The following CHL1 variants were observed in gnomAD, a reference collection of about 807,000 sequenced individuals.
CHL1 encodes the protein cell adhesion molecule L1 like, also known as neural cell adhesion molecule L1-like protein.
A neutral mutation model predicts 141.9 loss-of-function variants in CHL1; 96 were observed. The observed-to-expected ratio is 0.68, with a 90% CI of 0.57 to 0.80. The LOEUF is 0.80. CHL1 is among the 30% of genes least tolerant of loss of function. CHL1 has a pLI of 0.00. For synonymous variants in CHL1, 613 were observed against 502.2 expected (o/e 1.22, Z -2.95); for missense variants, 1,820 against 1,457.2 (o/e 1.25, Z -4.05).
At chr3:302,754 C>G (rs1031949891) in intron 2 of CHL1, among the ~76,000 whole-genome samples, 4 of 152,142 alleles carry the variant, frequency 2.6e-5, no homozygotes, top group African/African-American at 9.7e-5. Flanking sequence ...TTAATTAGAT[C>G]CCATTTGTCA....
chr3:307,379 G>A (rs541111602), intron 2 of CHL1, among the ~76,000 whole-genome samples: 1 of 152,132 alleles, frequency 6.6e-6, no homozygotes, highest in Non-Finnish European at 1.5e-5. Context: ...GCTTGATGGA[G>A]TCCCAGCTGT....
chr3:380,508 T>G (rs1706901763), intron 16 of CHL1, among the ~76,000 whole-genome samples: 1 of 152,244 alleles, frequency 6.6e-6, no homozygotes, highest in Non-Finnish European at 1.5e-5. Flanking sequence ...TTCTTTTTAC[T>G]GTTGCTTTAT....
At chr3:355,672 C>A (rs1021555554) in intron 11 of CHL1, among the ~76,000 whole-genome samples, 3 of 152,184 alleles carry the variant, frequency 2.0e-5, no homozygotes, top group Non-Finnish European at 4.4e-5. Context: ...GGATGTGCAC[C>A]TTGCCAGCTG....
intron 2 of CHL1, among the ~76,000 whole-genome samples, chr3:307,435 T>A (rs1699340998): frequency 6.6e-6 from 1 of 152,196 alleles, no homozygotes; most frequent in Non-Finnish European, 1.5e-5. Context: ...AAAGCTTCAC[T>A]AGAGGCAGAT....
chr3:328,712 AG>A (rs1271488471), intron 5 of CHL1, among the ~76,000 whole-genome samples: 1 of 152,176 alleles, frequency 6.6e-6, no homozygotes, highest in Non-Finnish European at 1.5e-5. Context: ...TCCCCGATAA[AG>A]CAATTTACTG....
chr3:342,538 G>T (rs1702421940), intron 7 of CHL1, among the ~76,000 whole-genome samples: 1 of 152,122 alleles, frequency 6.6e-6, no homozygotes, highest in Non-Finnish European at 1.5e-5. Flanking sequence ...AGGCCAGCCT[G>T]GGTTCCCAAA....
intron 2 of CHL1, among the ~76,000 whole-genome samples, chr3:313,666 A>G (rs1004588338): frequency 6.6e-6 from 1 of 152,220 alleles, no homozygotes; most frequent in African/African-American, 2.4e-5. Context: ...TGTTCAGTTT[A>G]TAATGGTGGA....
At chr3:345,545 G>A (rs1339482541) in intron 9 of CHL1, among the ~76,000 whole-genome samples, 9 of 151,474 alleles carry the variant, frequency 5.9e-5, no homozygotes, top group East Asian at 1.9e-4. Context: ...GTGCAGAGGC[G>A]CGATCTCAGC....
At chr3:244,141 A>C (rs1037334891) in intron 1 of CHL1, among the ~76,000 whole-genome samples, 3 of 152,200 alleles carry the variant, frequency 2.0e-5, no homozygotes, top group Non-Finnish European at 4.4e-5. Context: ...TTCACTCTGT[A>C]GTTCAGAGGT....
intron 24 of CHL1, among the ~76,000 whole-genome samples, chr3:397,418 C>T (rs1708765930): frequency 6.6e-6 from 1 of 151,982 alleles, no homozygotes; most frequent in African/African-American, 2.4e-5. Context: ...AATAGCATTT[C>T]ATAACCCCTT....
chr3:260,962 C>T (rs73092560), intron 2 of CHL1, among the ~76,000 whole-genome samples: 2,152 of 152,232 alleles, frequency 0.014, 45 homozygotes, highest in African/African-American at 0.046. Context: ...GCCATTCCGT[C>T]GGCCTTATTT....
At chr3:253,627 G>T (rs1256283375) in intron 2 of CHL1, among the ~76,000 whole-genome samples, 1 of 152,102 alleles carries the variant, frequency 6.6e-6, no homozygotes, top group East Asian at 1.9e-4. Flanking sequence ...TTGTCTTCAA[G>T]TTAACATGTA....
chr3:360,713 T>C (rs1381327278), intron 12 of CHL1, among the ~76,000 whole-genome samples: 1 of 148,102 alleles, frequency 6.8e-6, no homozygotes, highest in Non-Finnish European at 1.5e-5. Context: ...TAGCATTAGG[T>C]ATATCTCCCG....
At chr3:266,368 A>C (rs1695149720) in intron 2 of CHL1, among the ~76,000 whole-genome samples, 1 of 152,188 alleles carries the variant, frequency 6.6e-6, no homozygotes, top group Non-Finnish European at 1.5e-5. Flanking sequence ...CTACATGGGA[A>C]GGATGCATTG....
At chr3:235,412 G>T (rs531989775) in intron 1 of CHL1, among the ~76,000 whole-genome samples, 2 of 152,146 alleles carry the variant, frequency 1.3e-5, no homozygotes, top group South Asian at 4.2e-4. Flanking sequence ...GGGTTGTAAG[G>T]ATAAAATGAG....
chr3:246,248 G>A (rs749259265), intron 2 of CHL1, among the ~76,000 whole-genome samples: 1 of 152,058 alleles, frequency 6.6e-6, no homozygotes, highest in East Asian at 1.9e-4. Context: ...AATTGTGGTT[G>A]TGTCATGATG....
chr3:303,231 T>C (rs1698918458), intron 2 of CHL1, among the ~76,000 whole-genome samples: 1 of 152,196 alleles, frequency 6.6e-6, no homozygotes, highest in South Asian at 2.1e-4. Context: ...GCAGGCTCTT[T>C]TTTGGTTCCA....
intron 11 of CHL1, among the ~76,000 whole-genome samples, chr3:358,996 G>A (rs977526688): frequency 2.3e-4 from 33 of 144,674 alleles, no homozygotes; most frequent in Non-Finnish European, 3.0e-4. Context: ...TATTATATAC[G>A]GATATTATAT....
chr3:398,794 C>T (rs570851128), intron 25 of CHL1, among the ~76,000 whole-genome samples: 16 of 152,190 alleles, frequency 1.1e-4, no homozygotes, highest in African/African-American at 3.9e-4. Context: ...TTTTCATCCT[C>T]GGAATCAAAC....
Sources: allele counts gnomAD v4.1 joint callset (sites outside exome capture counted in the v4.1 genomes callset), GRCh38; gene constraint gnomAD v4.1.1; transcripts MANE v1.5; gene names NCBI Gene and HGNC (gene_info 2026-07-23, HGNC 2026-07-21).